TMEM132D: variants seen among roughly 807,000 people sequenced by gnomAD.
The protein encoded by TMEM132D is transmembrane protein 132D.
Under a neutral mutation model 62.3 loss-of-function variants are expected in TMEM132D, and 21 were observed. That is an observed-to-expected ratio of 0.34 (90% CI 0.24 to 0.49). The LOEUF (loss-of-function observed/expected upper bound fraction) is 0.49, where lower values mean the gene tolerates loss of function less well. Among genes scored for constraint, TMEM132D ranks in the 20% least tolerant of loss-of-function variants. TMEM132D has a pLI of 0.99. For synonymous variants in TMEM132D, 621 were observed against 575.6 expected (o/e 1.08, Z -1.13); for missense variants, 1,346 against 1,402.8 (o/e 0.96, Z 0.65).
intron 3 of TMEM132D, among the ~76,000 whole-genome samples, chr12:129,509,902 G>A (rs1482504746): frequency 6.6e-6 from 1 of 152,052 alleles, no homozygotes; most frequent in Non-Finnish European, 1.5e-5. Flanking sequence ...CCAAATCCTG[G>A]CTATCGTGAA....
At chr12:129,537,804 T>C (rs1876444324) in intron 2 of TMEM132D, among the ~76,000 whole-genome samples, 1 of 152,222 alleles carries the variant, frequency 6.6e-6, no homozygotes, top group Admixed American at 6.5e-5. Context: ...CATGGGGGTG[T>C]GGCCTCCACT....
intron 2 of TMEM132D, among the ~76,000 whole-genome samples, chr12:129,641,253 T>C (rs1879634070): frequency 6.6e-6 from 1 of 152,184 alleles, no homozygotes; most frequent in Non-Finnish European, 1.5e-5. Context: ...GAAGCCCTGC[T>C]CTATCCCACT....
chr12:129,562,449 G>A (rs1287477440), intron 2 of TMEM132D, among the ~76,000 whole-genome samples: 1 of 152,152 alleles, frequency 6.6e-6, no homozygotes, highest in Non-Finnish European at 1.5e-5. Context: ...TGTCAACAGA[G>A]AACAGATTCA....
chr12:129,813,450 G>A (rs1191820230), intron 1 of TMEM132D, among the ~76,000 whole-genome samples: 1 of 151,538 alleles, frequency 6.6e-6, no homozygotes, highest in Non-Finnish European at 1.5e-5. Context: ...GGATGCCAGT[G>A]AGGATGTGAA....
intron 5 of TMEM132D, chr12:129,110,727 C>T (rs181737774): frequency 1.3e-5 from 2 of 152,262 alleles, no homozygotes; most frequent in African/African-American, 4.8e-5. Context: ...TGGCAGAGAT[C>T]AGCCTGAGGG....
intron 3 of TMEM132D, among the ~76,000 whole-genome samples, chr12:129,442,649 G>GT (rs1872974777): frequency 1.3e-5 from 2 of 152,114 alleles, no homozygotes; most frequent in African/African-American, 4.8e-5. Flanking sequence ...GCTAGAAGCG[G>GT]TTATAGTCTC....
chr12:129,177,100 T>G (rs546465631), intron 5 of TMEM132D, among the ~76,000 whole-genome samples: 1 of 152,160 alleles, frequency 6.6e-6, no homozygotes, highest in African/African-American at 2.4e-5. Flanking sequence ...CACATAAATT[T>G]TAGAAAATGG....
At chr12:129,415,212 G>A (rs1476983609) in intron 3 of TMEM132D, among the ~76,000 whole-genome samples, 1 of 152,102 alleles carries the variant, frequency 6.6e-6, no homozygotes, top group African/African-American at 2.4e-5. Context: ...TGGATCGTAT[G>A]GTTGTTCTAG....
At position 129,291,082 on chromosome 12, in the gene TMEM132D, A is replaced by G. The variant is rs532058068; in HGVS notation, c.1299+46552T>C. ...TGGACTACACTGAAGAGAGACACCA[A>G]ATGGAATTTTCGTTGCAGGTATCTG... On this transcript the variant is annotated intron_variant, in intron 4 of 8. Transcript: ENST00000422113. Among the ~76,000 whole-genome samples, 203 of 152,330 alleles carry G rather than the reference A, an allele frequency of 1.3e-3. 1 individual carries two copies. The highest frequency in any genetic ancestry group is 2.5e-3 in the East Asian group (13 of 5,178).
At chr12:129,689,485 C>T (rs528057411) in intron 2 of TMEM132D, among the ~76,000 whole-genome samples, 3 of 152,284 alleles carry the variant, frequency 2.0e-5, no homozygotes, top group African/African-American at 2.4e-5. Context: ...CTCATGAAAC[C>T]TAAATGCTCC....
At chr12:129,731,210 A>G (rs1869224952) in intron 1 of TMEM132D, among the ~76,000 whole-genome samples, 1 of 152,038 alleles carries the variant, frequency 6.6e-6, no homozygotes. Context: ...TCACTCATTC[A>G]TTCGTTCACT....
Position 129,081,401 on chromosome 12 carries a change from C to T in TMEM132D, c.1923+358G>A, listed in dbSNP as rs544452010. Among the ~76,000 whole-genome samples the T allele has an allele frequency of 2.0e-4, 31 of 152,264 alleles. No homozygotes were observed. In the South Asian group the frequency reaches 3.9e-3, roughly 19 times the overall value. On this transcript the variant is annotated intron_variant, in intron 7 of 8. Transcript: ENST00000422113. ...GCAACCTCTGCTTCCCAGGCCCGAG[C>T]GATCCTTGCACCTCAGCCTCCCGAG...
rs34775349 is a variant in TMEM132D, at chr12:129,299,420, CTT to C, written c.1299+38212_1299+38213del. 6.5e-4 allele frequency among the ~76,000 whole-genome samples: 83 copies of C among 127,612 alleles called. 1 individual carries two copies. The highest frequency in any genetic ancestry group is 1.7e-3 in the African/African-American group (58 of 34,178). The allele number at this position is 127,612 out of a possible 152,430, so 83.7% of individuals were successfully genotyped here. ...CTCTTTTCTGTTTCACATAGTTGAA[CTT>C]TTTTTTTTTTTTTTTTGCCAATTGC... On this transcript the variant is annotated intron_variant, in intron 4 of 8. Transcript: ENST00000422113.
intron 2 of TMEM132D, among the ~76,000 whole-genome samples, chr12:129,625,596 G>C (rs1302786637): frequency 1.3e-4 from 20 of 152,190 alleles, no homozygotes. Context: ...GTTTTTACAG[G>C]CTGTTTCAGT....
chr12:129,727,721 A>G (rs1462993246), intron 1 of TMEM132D, among the ~76,000 whole-genome samples: 1 of 152,174 alleles, frequency 6.6e-6, no homozygotes, highest in African/African-American at 2.4e-5. Context: ...GGTGATTTAC[A>G]GTCAAATTAA....
At chr12:129,192,795 G>T (rs1015596022) in intron 5 of TMEM132D, among the ~76,000 whole-genome samples, 1 of 152,114 alleles carries the variant, frequency 6.6e-6, no homozygotes, top group South Asian at 2.1e-4. Flanking sequence ...GGTGGTAGCT[G>T]GGCGCCTCGT....
At chr12:129,761,186 T>A (rs1197996431) in intron 1 of TMEM132D, among the ~76,000 whole-genome samples, 1 of 152,094 alleles carries the variant, frequency 6.6e-6, no homozygotes. Flanking sequence ...CCAGAGTCAC[T>A]TGGATCTGTA....
At chr12:129,548,063 C>T (rs1274633860) in intron 2 of TMEM132D, among the ~76,000 whole-genome samples, 1 of 152,156 alleles carries the variant, frequency 6.6e-6, no homozygotes, top group Admixed American at 6.5e-5. Context: ...GTAGAGTCAG[C>T]CTGTGCTGAT....
chr12:129,259,414 G>A (rs1880494040), intron 4 of TMEM132D, among the ~76,000 whole-genome samples: 1 of 152,128 alleles, frequency 6.6e-6, no homozygotes, highest in Non-Finnish European at 1.5e-5. Context: ...AAGCCCTAAA[G>A]TATAAATAAG....
Sources: gnomAD v4.1 joint callset for allele counts (sites outside exome capture counted in the v4.1 genomes callset) on GRCh38, gnomAD v4.1.1 for gene constraint, MANE v1.5 for transcripts, NCBI Gene and HGNC (gene_info 2026-07-23, HGNC 2026-07-21) for gene names.